CYP24A1: variants seen among roughly 807,000 people sequenced by gnomAD.
The protein encoded by CYP24A1 is cytochrome P450 family 24 subfamily A member 1.
In CYP24A1, 68 loss-of-function variants were observed where a neutral mutation model predicts 62.4. The observed-to-expected ratio is 1.09, with a 90% CI of 0.90 to 1.33. The LOEUF (loss-of-function observed/expected upper bound fraction) is 1.33. Among genes scored for constraint, CYP24A1 ranks in the 40% most tolerant of loss-of-function variants. CYP24A1 has a pLI of 0.00. For synonymous variants in CYP24A1, 267 were observed against 253.0 expected (o/e 1.06, Z -0.52); for missense variants, 787 against 653.0 (o/e 1.21, Z -2.24).
downstream of CYP24A1, among the ~76,000 whole-genome samples, chr20:54,149,006 T>C (rs2092608642): frequency 6.6e-6 from 1 of 152,206 alleles, no homozygotes; most frequent in East Asian, 1.9e-4. Context: ...CTCCCCTTGT[T>C]CTTCCCCATC....
rs967117481 is a variant in CYP24A1, at chr20:54,158,289, C to T, written c.1158-125G>A. ...TGCATACTCAAAGAGGCAGCATGAT[C>T]ACAGATCTTCCTAAAGAAGTTGTTT... is the stretch of plus-strand genomic sequence containing the variant. On this transcript the variant is annotated intron_variant, in intron 8 of 11. Transcript: ENST00000216862. 6 of 1,521,116 alleles carry T rather than the reference C, an allele frequency of 3.9e-6. No individual in the cohort carries two copies. In the Admixed American group the frequency reaches 1.2e-4, roughly 30 times the overall value. 94.2% of individuals were successfully genotyped at this position (1,521,116 alleles called of 1,614,324 possible).
downstream of CYP24A1, among the ~76,000 whole-genome samples, chr20:54,149,065 G>T (rs6097800): frequency 0.04 from 6,110 of 152,232 alleles, 433 homozygotes; most frequent in African/African-American, 0.14. Context: ...TGTTTATTTT[G>T]GTTTGCCCCT....
At chr20:54,155,012 T>G (rs2092622427) in intron 11 of CYP24A1, 1 of 115,266 alleles carries the variant, frequency 8.7e-6, no homozygotes, top group African/African-American at 3.3e-5. Flanking sequence ...ATCAAAGAAG[T>G]GTATTTAAAC....
intron 11 of CYP24A1, among the ~76,000 whole-genome samples, chr20:54,155,216 G>T (rs2092623235): frequency 6.6e-6 from 1 of 152,110 alleles, no homozygotes. Flanking sequence ...CAGACACTTG[G>T]TGGAGGAATA....
chr20:54,151,246 C>A (rs1259110276), downstream of CYP24A1, among the ~76,000 whole-genome samples: 1 of 152,172 alleles, frequency 6.6e-6, no homozygotes, highest in African/African-American at 2.4e-5. Flanking sequence ...TATAGGGGAA[C>A]TTCCTGATGT....
chr20:54,144,359 C>T, the CYP24A1 span, among the ~76,000 whole-genome samples: 2 of 151,892 alleles, frequency 1.3e-5, no homozygotes, highest in Admixed American at 6.6e-5. Context: ...AAGTGATCCT[C>T]CTACCTCAGT....
rs1031914611 is a variant in CYP24A1 at position 54,153,708 on chromosome 20, A to G, written c.*1064T>C. ...ATTTAGGAAAAGCAGTAGTAAAAAT[A>G]TGCACAAATAAACCATCTGTAAACA... On this transcript the variant is annotated 3_prime_UTR_variant, in exon 12 of 12. Coordinates refer to ENST00000216862, the MANE Select transcript of CYP24A1 (RefSeq NM_000782.5). 1 of 152,690 alleles carries G rather than the reference A, an allele frequency of 6.5e-6. No homozygotes were observed. The allele number at this position is 152,690 out of a possible 1,614,324, so 9.5% of individuals were successfully genotyped here.
intron 7 of CYP24A1, among the ~76,000 whole-genome samples, chr20:54,161,130 T>C (rs1057459531): frequency 1.3e-5 from 2 of 152,240 alleles, no homozygotes; most frequent in Non-Finnish European, 2.9e-5. Context: ...CTGGCTAACA[T>C]GGCCCATCCA....
Position 54,159,397 on chromosome 20 carries a change from G to GTTTTT in CYP24A1, c.991-279_991-275dup, listed in dbSNP as rs10689729. On this transcript the variant is annotated intron_variant, in intron 7 of 11. Transcript: ENST00000216862. ...AGCTGCTTTAGAACATTTAAATACA[G>GTTTTT]TTTTTTTTTTTTTTTGAGATGGAGT... is the stretch of plus-strand genomic sequence containing the variant. Among the ~76,000 whole-genome samples the GTTTTT allele has an allele frequency of 9.7e-4, 136 of 140,142 alleles. 10 individuals carry two copies. The East Asian group carries it at 0.014, about 15-fold the overall frequency. The allele number at this position is 140,142 out of a possible 152,430, so 91.9% of individuals were successfully genotyped here.
chr20:54,159,399 T>C (rs1291630144), intron 7 of CYP24A1, among the ~76,000 whole-genome samples: 2 of 149,470 alleles, frequency 1.3e-5, no homozygotes, highest in Admixed American at 6.7e-5. Flanking sequence ...TAAATACAGT[T>C]TTTTTTTTTT....
intron 5 of CYP24A1, 92 bp from the exon 6 acceptor site, chr20:54,164,655 C>T: frequency 6.2e-7 from 1 of 1,606,324 alleles, no homozygotes; most frequent in Non-Finnish European, 8.5e-7. Context: ...AACCGCAGCA[C>T]CCTGCACTTT....
Position 54,162,876 on chromosome 20 carries a change from G to A in CYP24A1, c.845-14C>T. On this transcript the variant is annotated splice_polypyrimidine_tract_variant and intron_variant, in intron 6 of 11. Coordinates refer to ENST00000216862, the MANE Select transcript of CYP24A1 (RefSeq NM_000782.5). ...TACAAGCTTTGACTATTAGAGCAGAGAAGAAAGAGAGGAAGTCAGCTGAAA... is the reference window on the plus strand; with the variant it reads ...TACAAGCTTTGACTATTAGAGCAGAAAAGAAAGAGAGGAAGTCAGCTGAAA... 1 of 1,533,598 alleles carries A rather than the reference G, an allele frequency of 6.5e-7. No individual in the cohort carries two copies. The highest frequency in any genetic ancestry group is 1.4e-5 in the African/African-American group (1 of 73,368). 95.0% of individuals were successfully genotyped at this position (1,533,598 alleles called of 1,614,324 possible).
intron 9 of CYP24A1, 128 bp downstream of exon 9, chr20:54,157,958 A>ATT: frequency 6.7e-7 from 1 of 1,482,216 alleles, no homozygotes; most frequent in Non-Finnish European, 9.1e-7. Context: ...CATGTCAACT[A>ATT]TTCTCTACCA....
chr20:54,151,622 C>A (rs1265962406), downstream of CYP24A1, among the ~76,000 whole-genome samples: 1 of 152,062 alleles, frequency 6.6e-6, no homozygotes, highest in Non-Finnish European at 1.5e-5. Context: ...TCTCGGCTCA[C>A]TGCAACCTCC....
the CYP24A1 span, among the ~76,000 whole-genome samples, chr20:54,143,892 G>A: frequency 3.9e-5 from 6 of 151,954 alleles, no homozygotes; most frequent in East Asian, 1.9e-4. Flanking sequence ...TTAAAAAATC[G>A]TAAGTGAATA....
Position 54,169,721 on chromosome 20 carries a change from T to G in CYP24A1, c.544-33A>C, listed in dbSNP as rs753509367. On this transcript the variant is annotated intron_variant, in intron 3 of 11. Coordinates refer to ENST00000216862, the MANE Select transcript of CYP24A1 (RefSeq NM_000782.5). ...GAAAACAACCGCAAAAGACACATTT[T>G]AAAGCCGTTGAAGGAAAACAAAACT... is the stretch of plus-strand genomic sequence containing the variant. The G allele has an allele frequency of 1.9e-6, 3 of 1,613,522 alleles. No individual in the cohort carries two copies. The South Asian group carries it at 3.3e-5, about 18-fold the overall frequency.
downstream of CYP24A1, among the ~76,000 whole-genome samples, chr20:54,152,354 G>C (rs1010055313): frequency 6.6e-6 from 1 of 152,214 alleles, no homozygotes; most frequent in Non-Finnish European, 1.5e-5. Flanking sequence ...AGCTCCCAGA[G>C]ATCAGGCTGA....
rs892000081 is a variant in CYP24A1, at chr20:54,173,231, C to A, written c.258+91G>T. The A allele has an allele frequency of 1.3e-6, 2 of 1,509,214 alleles. No homozygotes were observed. Among genetic ancestry groups the A allele is most frequent in the East Asian group, 2.3e-5 (1 of 43,708 alleles). 93.5% of individuals were successfully genotyped at this position (1,509,214 alleles called of 1,614,324 possible). A position where few individuals can be genotyped will look rare whatever the true frequency, so the allele number is the denominator to read the frequency against. On this transcript the variant is annotated intron_variant, in intron 1 of 11. Coordinates refer to ENST00000216862, the MANE Select transcript of CYP24A1 (RefSeq NM_000782.5). This position sits in a 1 kb window ranked among gnomAD's most constrained non-coding sequence, Gnocchi z 7.2. ...TGCCCAGACGCCGAAGCGCACCATG[C>A]GCCCGAGGCGCGCATGTCGGGGAGG...
intron 4 of CYP24A1, among the ~76,000 whole-genome samples, chr20:54,169,168 C>T (rs926452637): frequency 1.3e-4 from 19 of 151,930 alleles, no homozygotes; most frequent in Non-Finnish European, 2.6e-4. Context: ...CTCCCAAAGT[C>T]CTGGGATTAT....
Sources: allele counts gnomAD v4.1 joint callset (sites outside exome capture counted in the v4.1 genomes callset), GRCh38; gene constraint gnomAD v4.1.1; non-coding constraint Gnocchi (gnomAD v3.1); transcripts MANE v1.5; gene names NCBI Gene and HGNC (gene_info 2026-07-23, HGNC 2026-07-21).